SLC2A13: variants seen among roughly 807,000 people sequenced by gnomAD.
SLC2A13 encodes the protein solute carrier family 2 member 13, also known as proton myo-inositol cotransporter.
SLC2A13 carries 32 observed loss-of-function variants against 64.4 expected under a neutral mutation model. The observed-to-expected ratio is 0.50, with a 90% CI of 0.37 to 0.67. SLC2A13 has a LOEUF of 0.67. Ranked by LOEUF, SLC2A13 falls within the 30% of genes least tolerant of loss-of-function variation. SLC2A13 has a pLI of 0.00. For missense variants in SLC2A13, 743 were observed against 829.2 expected (o/e 0.90, Z 1.28); for synonymous variants, 338 against 327.1 (o/e 1.03, Z -0.36).
At chr12:39,965,632 A>G (rs1161979322) in intron 3 of SLC2A13, among the ~76,000 whole-genome samples, 1 of 152,170 alleles carries the variant, frequency 6.6e-6, no homozygotes, top group East Asian at 1.9e-4. Context: ...CTTGCTTTGT[A>G]AAAAACAATG....
intron 6 of SLC2A13, among the ~76,000 whole-genome samples, chr12:39,849,889 T>C: frequency 6.6e-6 from 1 of 152,204 alleles, no homozygotes; most frequent in East Asian, 1.9e-4. Flanking sequence ...TGTTGTTGTT[T>C]TTTAAAATAC....
intron 1 of SLC2A13, among the ~76,000 whole-genome samples, chr12:40,086,005 A>T (rs1387774491): frequency 6.6e-6 from 1 of 152,072 alleles, no homozygotes; most frequent in Non-Finnish European, 1.5e-5. Flanking sequence ...TGCCCAGCTA[A>T]TTTTTGTATT....
At chr12:40,020,569 C>T (rs1220274274) in intron 3 of SLC2A13, among the ~76,000 whole-genome samples, 3 of 152,080 alleles carry the variant, frequency 2.0e-5, no homozygotes, top group African/African-American at 7.2e-5. Context: ...TGAAAATAGA[C>T]TAATACACAT....
At chr12:39,887,022 A>C (rs1304270461) in intron 4 of SLC2A13, among the ~76,000 whole-genome samples, 1 of 152,220 alleles carries the variant, frequency 6.6e-6, no homozygotes, top group African/African-American at 2.4e-5. Flanking sequence ...ACTCAACAGA[A>C]TAGCTCTACA....
chr12:40,071,166 C>G (rs940331726), intron 1 of SLC2A13, among the ~76,000 whole-genome samples: 4 of 152,182 alleles, frequency 2.6e-5, no homozygotes, highest in Non-Finnish European at 4.4e-5. Flanking sequence ...CTCTGTCTCA[C>G]TGATCTACGC....
intron 7 of SLC2A13, among the ~76,000 whole-genome samples, chr12:39,798,895 A>T (rs1566802620): frequency 6.6e-6 from 1 of 151,774 alleles, no homozygotes; most frequent in East Asian, 1.9e-4. Flanking sequence ...TAATTTTATG[A>T]AATAATACAA....
At chr12:40,064,681 CA>C (rs1244100492) in intron 1 of SLC2A13, among the ~76,000 whole-genome samples, 1 of 152,060 alleles carries the variant, frequency 6.6e-6, no homozygotes, top group East Asian at 1.9e-4. Flanking sequence ...ACAAATAGAG[CA>C]AAATATTTCA....
At chr12:39,899,064 T>C (rs1483648472) in intron 4 of SLC2A13, among the ~76,000 whole-genome samples, 1 of 152,116 alleles carries the variant, frequency 6.6e-6, no homozygotes, top group Non-Finnish European at 1.5e-5. Context: ...TGGTACCAGT[T>C]CCTCCTTGTA....
At chr12:40,081,004 CTT>C (rs1224384218) in intron 1 of SLC2A13, among the ~76,000 whole-genome samples, 2 of 152,136 alleles carry the variant, frequency 1.3e-5, no homozygotes, top group African/African-American at 4.8e-5. Context: ...AATTTCTTTT[CTT>C]TAAGGCTGCT....
intron 4 of SLC2A13, among the ~76,000 whole-genome samples, chr12:39,935,453 G>A (rs1425365088): frequency 6.6e-6 from 1 of 152,124 alleles, no homozygotes; most frequent in African/African-American, 2.4e-5. Flanking sequence ...ATCAGAGAGT[G>A]ACTCATTCCC....
chr12:39,803,964 A>T (rs1387106546), intron 7 of SLC2A13, among the ~76,000 whole-genome samples: 2 of 152,170 alleles, frequency 1.3e-5, no homozygotes, highest in Non-Finnish European at 2.9e-5. Context: ...TAAAAAAACA[A>T]CAGGGCTCAA....
At chr12:40,025,758 G>A (rs1054457941) in intron 3 of SLC2A13, among the ~76,000 whole-genome samples, 1 of 152,184 alleles carries the variant, frequency 6.6e-6, no homozygotes, top group Non-Finnish European at 1.5e-5. Flanking sequence ...CAGGATCCAT[G>A]GACAGATTAA....
At chr12:39,978,917 G>A (rs1316503513) in intron 3 of SLC2A13, among the ~76,000 whole-genome samples, 3 of 149,358 alleles carry the variant, frequency 2.0e-5, no homozygotes, top group Non-Finnish European at 3.0e-5. Context: ...AGACTTAAAT[G>A]TCCCTGTCTG....
intron 3 of SLC2A13, among the ~76,000 whole-genome samples, chr12:39,957,379 T>G (rs1334189333): frequency 1.3e-5 from 2 of 152,194 alleles, no homozygotes; most frequent in African/African-American, 4.8e-5. Context: ...CAACAACTTA[T>G]GAACAGTAGA....
chr12:39,863,697 T>C (rs903768871), intron 6 of SLC2A13, among the ~76,000 whole-genome samples: 1 of 152,088 alleles, frequency 6.6e-6, no homozygotes, highest in Non-Finnish European at 1.5e-5. Flanking sequence ...ACTATGAAAG[T>C]CAGTGAGCCA....
intron 4 of SLC2A13, among the ~76,000 whole-genome samples, chr12:39,943,203 G>T (rs1399220022): frequency 1.3e-5 from 2 of 152,168 alleles, no homozygotes; most frequent in African/African-American, 4.8e-5. Context: ...CCTGCTGGGA[G>T]GTGTCTCCCA....
rs145137074 is a variant in SLC2A13, at chr12:39,777,514, G to A, written c.1446-12656C>T. Among the ~76,000 whole-genome samples the A allele has an allele frequency of 1.6e-4, 24 of 152,290 alleles. No individual in the cohort carries two copies. In the East Asian group the frequency reaches 4.1e-3, roughly 26 times the overall value. ...CTGACTAGGGCTCCACCCAGGGCCC[G>A]GGCCCATGGACATAGGTGAGGACAG... On this transcript the variant is annotated intron_variant, in intron 7 of 9. Coordinates refer to ENST00000280871, the MANE Select transcript of SLC2A13 (RefSeq NM_052885.4).
intron 4 of SLC2A13, among the ~76,000 whole-genome samples, chr12:39,896,805 G>A (rs1944932658): frequency 1.3e-5 from 2 of 152,012 alleles, no homozygotes; most frequent in African/African-American, 4.8e-5. Flanking sequence ...ATTTAAGTGA[G>A]AAACTAATCA....
intron 6 of SLC2A13, among the ~76,000 whole-genome samples, chr12:39,861,534 C>A (rs978146361): frequency 1.3e-5 from 2 of 152,008 alleles, no homozygotes; most frequent in Non-Finnish European, 2.9e-5. Flanking sequence ...TTGAGGGAAG[C>A]GTACATAGGA....
Sources: gnomAD v4.1 joint callset for allele counts (sites outside exome capture counted in the v4.1 genomes callset) on GRCh38, gnomAD v4.1.1 for gene constraint, MANE v1.5 for transcripts, NCBI Gene and HGNC (gene_info 2026-07-23, HGNC 2026-07-21) for gene names.